DCC: variants seen among roughly 807,000 people sequenced by gnomAD.
The protein encoded by DCC is netrin receptor DCC.
A neutral mutation model predicts 172.5 loss-of-function variants in DCC; 58 were observed. The ratio of observed to expected loss-of-function variants is 0.34; its 90% CI spans 0.27 to 0.42. The LOEUF (loss-of-function observed/expected upper bound fraction) is 0.42, where lower values mean the gene tolerates loss of function less well. DCC is among the 10% of genes least tolerant of loss of function. The pLI is 1.00. For missense variants in DCC, 1,740 were observed against 1,791.0 expected (o/e 0.97, Z 0.51); for synonymous variants, 709 against 644.5 (o/e 1.10, Z -1.52).
intron 1 of DCC, among the ~76,000 whole-genome samples, chr18:52,351,907 T>C (rs563687899): frequency 2.2e-4 from 34 of 152,332 alleles, no homozygotes; most frequent in African/African-American, 7.0e-4. Flanking sequence ...CTGGAACTAC[T>C]GTACCACTTG....
At chr18:53,466,425 T>A (rs1375508994) in intron 24 of DCC, among the ~76,000 whole-genome samples, 1 of 152,218 alleles carries the variant, frequency 6.6e-6, no homozygotes, top group East Asian at 1.9e-4. Flanking sequence ...GAAATAGCTT[T>A]GCTAGAAAGT....
chr18:52,967,893 A>G (rs752720410), intron 5 of DCC, among the ~76,000 whole-genome samples: 3 of 152,178 alleles, frequency 2.0e-5, no homozygotes, highest in East Asian at 1.9e-4. Flanking sequence ...TGGATAATGG[A>G]TGATGTAATA....
intron 27 of DCC, among the ~76,000 whole-genome samples, chr18:53,510,082 T>C (rs2046232104): frequency 6.6e-6 from 1 of 152,218 alleles, no homozygotes; most frequent in Non-Finnish European, 1.5e-5. Context: ...CTGTCCATGG[T>C]ATATTTTCTC....
chr18:52,457,241 G>A (rs948997537), intron 1 of DCC, among the ~76,000 whole-genome samples: 2 of 152,162 alleles, frequency 1.3e-5, no homozygotes, highest in Non-Finnish European at 2.9e-5. Context: ...TAGAGAAATA[G>A]AGAAATCACA....
intron 1 of DCC, among the ~76,000 whole-genome samples, chr18:52,672,102 CAAAAACA>C (rs2035564834): frequency 2.0e-5 from 3 of 151,852 alleles, no homozygotes; most frequent in Admixed American, 1.3e-4. Context: ...CCTCTATGTA[CAAAAACA>C]AAAAACAAAA....
At position 52,487,810 on chromosome 18, in the gene DCC, C is replaced by CAAAAAAAAAAAAAAA. The variant is rs5824940; in HGVS notation, c.91+146944_91+146958dup. ...TGGGTGACAGAGTGAGACTCCACCTCAAAAAAAAAAAAAAAAAAAAAAAAA... is the reference window on the plus strand; with the variant it reads ...TGGGTGACAGAGTGAGACTCCACCTCAAAAAAAAAAAAAAAAAAAAAAAAAAAAAAAAAAAAAAAA... On this transcript the variant is annotated intron_variant, in intron 1 of 28. Coordinates refer to ENST00000442544, the MANE Select transcript of DCC (RefSeq NM_005215.4). Among the ~76,000 whole-genome samples the CAAAAAAAAAAAAAAA allele has an allele frequency of 3.0e-4, 22 of 74,398 alleles. No individual in the cohort carries two copies. The Admixed American group carries it at 3.9e-3, about 13-fold the overall frequency. The allele number at this position is 74,398 out of a possible 152,430, so 48.8% of individuals were successfully genotyped here.
At chr18:52,340,920 T>C in intron 1 of DCC, 42 bp downstream of exon 1, 1 of 1,402,948 alleles carries the variant, frequency 7.1e-7, no homozygotes, top group Non-Finnish European at 1.0e-6. Context: ...CCCCCTTCCG[T>C]ACCCCACTTC....
intron 12 of DCC, among the ~76,000 whole-genome samples, chr18:53,261,437 TCA>T (rs1394899038): frequency 2.0e-5 from 3 of 152,150 alleles, no homozygotes; most frequent in Non-Finnish European, 4.4e-5. Flanking sequence ...TGGCCAGGGC[TCA>T]GTTTCAATAA....
chr18:52,441,313 G>T (rs990569641), intron 1 of DCC, among the ~76,000 whole-genome samples: 8 of 152,144 alleles, frequency 5.3e-5, no homozygotes, highest in Admixed American at 2.6e-4. Flanking sequence ...TGAGATATTA[G>T]AAGTGAGAAA....
At chr18:52,347,329 C>T (rs1299916450) in intron 1 of DCC, among the ~76,000 whole-genome samples, 1 of 152,150 alleles carries the variant, frequency 6.6e-6, no homozygotes, top group South Asian at 2.1e-4. Flanking sequence ...TTTCTCCACT[C>T]ACTTAGCTGC....
intron 3 of DCC, among the ~76,000 whole-genome samples, chr18:52,920,673 C>T (rs912235196): frequency 1.4e-4 from 22 of 152,076 alleles, no homozygotes; most frequent in African/African-American, 4.8e-4. Context: ...AGCTATTGCA[C>T]TCCAATATAT....
At chr18:52,665,068 T>A (rs1443249301) in intron 1 of DCC, among the ~76,000 whole-genome samples, 12 of 152,206 alleles carry the variant, frequency 7.9e-5, no homozygotes, top group Non-Finnish European at 1.6e-4. Flanking sequence ...TCTTTATAGG[T>A]CCCTTGGTAA....
At chr18:53,183,133 ACT>A (rs1037212767) in intron 9 of DCC, among the ~76,000 whole-genome samples, 1 of 152,142 alleles carries the variant, frequency 6.6e-6, no homozygotes, top group Non-Finnish European at 1.5e-5. Flanking sequence ...GAAAATATCA[ACT>A]CTATTATACA....
At chr18:52,592,232 A>G (rs1598938942) in intron 1 of DCC, among the ~76,000 whole-genome samples, 1 of 152,148 alleles carries the variant, frequency 6.6e-6, no homozygotes, top group East Asian at 1.9e-4. Context: ...AATAATCACT[A>G]AAAATAGCCA....
intron 1 of DCC, among the ~76,000 whole-genome samples, chr18:52,664,616 G>A (rs1024896474): frequency 6.6e-5 from 10 of 151,288 alleles, no homozygotes; most frequent in South Asian, 2.1e-4. Flanking sequence ...GACTACAGGC[G>A]CCCGCCACCA....
At chr18:53,167,650 G>A (rs1157018314) in intron 8 of DCC, among the ~76,000 whole-genome samples, 1 of 152,036 alleles carries the variant, frequency 6.6e-6, no homozygotes, top group Non-Finnish European at 1.5e-5. Context: ...ATTTTTTTAT[G>A]CTCAGTGAAT....
chr18:52,939,805 A>T (rs1185494209), intron 5 of DCC, among the ~76,000 whole-genome samples: 1 of 152,182 alleles, frequency 6.6e-6, no homozygotes, highest in Admixed American at 6.6e-5. Flanking sequence ...CCATGGTCAG[A>T]GGAAAGAATA....
intron 2 of DCC, among the ~76,000 whole-genome samples, chr18:52,756,716 G>A (rs181526140): frequency 2.7e-3 from 410 of 152,024 alleles, no homozygotes; most frequent in East Asian, 0.021. Flanking sequence ...TACTCTAAAC[G>A]TTGCCAGCTA....
At chr18:52,824,399 TA>T (rs1317871722) in intron 2 of DCC, among the ~76,000 whole-genome samples, 1 of 152,188 alleles carries the variant, frequency 6.6e-6, no homozygotes, top group Non-Finnish European at 1.5e-5. Flanking sequence ...AAAAGCTATC[TA>T]AACTGAATTC....
Sources: gnomAD v4.1 joint callset for allele counts (sites outside exome capture counted in the v4.1 genomes callset) on GRCh38, gnomAD v4.1.1 for gene constraint, MANE v1.5 for transcripts, NCBI Gene and HGNC (gene_info 2026-07-23, HGNC 2026-07-21) for gene names.